The following GYS1 variants were observed in gnomAD, a reference collection of about 807,000 sequenced individuals.
The protein encoded by GYS1 is glycogen synthase 1, also known as glycogen [starch] synthase, muscle.
In GYS1, 60 loss-of-function variants were observed where a neutral mutation model predicts 89.1. The ratio of observed to expected loss-of-function variants is 0.67; its 90% CI spans 0.55 to 0.84. GYS1 has a LOEUF of 0.84. Among genes scored for constraint, GYS1 ranks in the 40% least tolerant of loss-of-function variants. GYS1 has a pLI of 0.00. For synonymous variants in GYS1, 366 were observed against 401.7 expected (o/e 0.91, Z 1.06); for missense variants, 888 against 1,003.1 (o/e 0.89, Z 1.55).
intron 14 of GYS1, chr19:48,970,167 A>C (rs1600129249): frequency 2.1e-6 from 1 of 481,546 alleles, no homozygotes; most frequent in Non-Finnish European, 3.8e-6. Context: ...CTGTTACTCT[A>C]GGATGGAGTG....
Position 48,982,251 on chromosome 19 carries a change from T to C in GYS1, c.1062+4A>G, listed in dbSNP as rs775610787. 6.2e-7 allele frequency: 1 copy of C among 1,613,470 alleles called. No homozygotes were observed. Among genetic ancestry groups the C allele is most frequent in the Non-Finnish European group, 8.5e-7 (1 of 1,179,626 alleles). ...TCCCTGTCCCCTCATAGCCCAGGCC[T>C]CACTCTGAGCAGATAGTTGAGCCGA... is the stretch of plus-strand genomic sequence containing the variant. On this transcript the variant is annotated splice_donor_region_variant and intron_variant, in intron 7 of 15. Coordinates refer to ENST00000323798, the MANE Select transcript of GYS1 (RefSeq NM_002103.5).
intron 12 of GYS1, among the ~76,000 whole-genome samples, chr19:48,973,505 ATTT>A (rs34032782): frequency 8.3e-5 from 10 of 120,600 alleles, no homozygotes; most frequent in African/African-American, 2.2e-4. Context: ...TTTAGCTTTA[ATTT>A]TTTTTTTTTT....
At chr19:48,979,221 A>T (rs902628726) in intron 8 of GYS1, among the ~76,000 whole-genome samples, 1 of 151,990 alleles carries the variant, frequency 6.6e-6, no homozygotes, top group Non-Finnish European at 1.5e-5. Flanking sequence ...TTAGGCACAC[A>T]AGTAAAGCTA....
In GYS1 at chr19:48,969,130, CTG is replaced by C. The variant is rs2038508393; in HGVS notation, c.*156_*157del. 3 of 667,100 alleles carry C rather than the reference CTG, an allele frequency of 4.5e-6. No homozygotes were observed. Among genetic ancestry groups the C allele is most frequent in the South Asian group, 1.9e-5 (1 of 53,734 alleles). The allele number at this position is 667,100 out of a possible 1,614,324, so 41.3% of individuals were successfully genotyped here. A position where few individuals can be genotyped will look rare whatever the true frequency, so the allele number is the denominator to read the frequency against. ...ATTCTGGAGTGCAGGAACTTGGAAA[CTG>C]GAGCTGGAGGGGGTGGAGTGTTTGG... On this transcript the variant is annotated 3_prime_UTR_variant, in exon 16 of 16. Transcript: ENST00000323798.
chr19:48,992,629 A>T (rs1382364454), intron 1 of GYS1, among the ~76,000 whole-genome samples: 1 of 152,128 alleles, frequency 6.6e-6, no homozygotes, highest in African/African-American at 2.4e-5. Context: ...TGTTAGGGTC[A>T]TAGGTCTGAA....
At chr19:48,974,778 G>A in intron 10 of GYS1, 45 bp from the exon 11 acceptor site, 1 of 1,331,714 alleles carries the variant, frequency 7.5e-7, no homozygotes, top group Non-Finnish European at 1.1e-6. Flanking sequence ...AAGGGACAGA[G>A]AACTCCCTAC....
chr19:48,978,784 C>T (rs2038701894), intron 8 of GYS1, among the ~76,000 whole-genome samples: 1 of 152,142 alleles, frequency 6.6e-6, no homozygotes, highest in African/African-American at 2.4e-5. Context: ...AATTGGCCAC[C>T]TCGGCCTCCC....
chr19:48,969,120 A>G lies in GYS1; in HGVS notation c.*168T>C, dbSNP rs1568614726. 3 of 650,844 alleles carry G rather than the reference A, an allele frequency of 4.6e-6. No individual in the cohort carries two copies. The highest frequency in any genetic ancestry group is 8.0e-6 in the Non-Finnish European group (3 of 375,852). The allele number at this position is 650,844 out of a possible 1,614,324, so 40.3% of individuals were successfully genotyped here. On this transcript the variant is annotated 3_prime_UTR_variant, in exon 16 of 16. Coordinates refer to ENST00000323798, the MANE Select transcript of GYS1 (RefSeq NM_002103.5). The stretch of plus-strand genomic sequence containing the variant: ...GGCTTTGTGGATTCTGGAGTGCAGG[A>G]ACTTGGAAACTGGAGCTGGAGGGGG...
chr19:48,969,540 C>G lies in GYS1; in HGVS notation c.1962G>C (p.Pro654=), dbSNP rs1274965475. Residue 654 remains proline (P), a synonymous_variant, in exon 16 of 16, where the codon CCG becomes CCC. Coordinates refer to ENST00000323798, the MANE Select transcript of GYS1 (RefSeq NM_002103.5). ...GATCCTCCTCGTCCTCACTCTGGTG[C>G]GGGCTGGAGTGTCGTGACAGCGAGG... is the stretch of plus-strand genomic sequence containing the variant. The part of the protein sequence containing the change: ...PSPSLSRHSS[P]HQSEDEEDPR... 1 of 1,541,364 alleles carries G rather than the reference C, an allele frequency of 6.5e-7. No homozygotes were observed. The highest frequency in any genetic ancestry group is 8.7e-7 in the Non-Finnish European group (1 of 1,146,874).
At position 48,974,493 on chromosome 19, in the gene GYS1, A is replaced by G. The variant is rs570590507; in HGVS notation, c.1422+127T>C. On this transcript the variant is annotated intron_variant, in intron 11 of 15. Transcript: ENST00000323798. ...CAAACCCAGGTCTGCCTGCCTCAGA[A>G]GCCAGGGTTCTTTCTAACCACAGCA... 1.6e-4 allele frequency: 172 copies of G among 1,054,752 alleles called. No homozygotes were observed. In the African/African-American group the frequency reaches 2.4e-3, roughly 15 times the overall value. The allele number at this position is 1,054,752 out of a possible 1,614,324, so 65.3% of individuals were successfully genotyped here.
chr19:48,971,205 G>A (rs937958217), intron 12 of GYS1, among the ~76,000 whole-genome samples, 182 bp from the exon 13 acceptor site: 1 of 152,222 alleles, frequency 6.6e-6, no homozygotes, highest in Non-Finnish European at 1.5e-5. Context: ...GGGACGCTAA[G>A]AGGCTCAGAA....
rs886054564 is a variant in GYS1 at position 48,968,244 on chromosome 19, A to C, written c.*1044T>G. 5 of 454,102 alleles carry C rather than the reference A, an allele frequency of 1.1e-5. No individual in the cohort carries two copies. Among genetic ancestry groups the C allele is most frequent in the Non-Finnish European group, 2.2e-5 (5 of 226,770 alleles). 28.1% of individuals were successfully genotyped at this position (454,102 alleles called of 1,614,324 possible). ...GCGGTGCAGACACAGCACAGCACAC[A>C]TGAGGGGCCCTCCCTTTCACCAAAG... is the stretch of plus-strand genomic sequence containing the variant. On this transcript the variant is annotated 3_prime_UTR_variant, in exon 16 of 16. Transcript: ENST00000323798.
In GYS1 at chr19:48,977,562, C is replaced by T. The variant is rs563876036; in HGVS notation, c.1308+362G>A. 2.0e-5 allele frequency among the ~76,000 whole-genome samples: 3 copies of T among 152,242 alleles called. No homozygotes were observed. The South Asian group carries it at 6.2e-4, about 32-fold the overall frequency. On this transcript the variant is annotated intron_variant, in intron 10 of 15. Transcript: ENST00000323798. ...GAGCCGAGATCGTGCCACTGCACTC[C>T]AGCCTGGGCGACAGAGCGAGACTCC...
At chr19:48,990,235 C>T (rs773877691) in intron 2 of GYS1, among the ~76,000 whole-genome samples, 93 of 146,474 alleles carry the variant, frequency 6.3e-4, no homozygotes, top group Non-Finnish European at 1.1e-3. Flanking sequence ...TGGACAACAG[C>T]GTGCCGCCTG....
intron 2 of GYS1, 97 bp from the exon 3 acceptor site, chr19:48,987,482 T>C: frequency 1.1e-6 from 1 of 908,898 alleles, no homozygotes; most frequent in Non-Finnish European, 1.6e-6. Context: ...CAGATGTCTA[T>C]AGACTTAAGC....
In GYS1 at chr19:48,985,817, C is replaced by T. The variant is rs368256225; in HGVS notation, c.678+33G>A. 3.8e-4 allele frequency: 609 copies of T among 1,608,490 alleles called. 5 individuals carry two copies. The highest frequency in any genetic ancestry group is 2.1e-4 in the Middle Eastern group (1 of 4,748). On this transcript the variant is annotated intron_variant, in intron 4 of 15. Coordinates refer to ENST00000323798, the MANE Select transcript of GYS1 (RefSeq NM_002103.5). ...GAGCTTTGGGTTTTCCTGGCATACT[C>T]GCAGTCCCCCATCTGCCACGGTCCC...
In GYS1 at chr19:48,968,990, G is replaced by A; in HGVS notation, c.*298C>T. 1.6e-6 allele frequency: 1 copy of A among 616,572 alleles called. No individual in the cohort carries two copies. Among genetic ancestry groups the A allele is most frequent in the Non-Finnish European group, 3.0e-6 (1 of 330,948 alleles). 38.2% of individuals were successfully genotyped at this position (616,572 alleles called of 1,614,324 possible). On this transcript the variant is annotated 3_prime_UTR_variant, in exon 16 of 16. Coordinates refer to ENST00000323798, the MANE Select transcript of GYS1 (RefSeq NM_002103.5). Reference sequence around the variant, plus strand: ...CATGCCAGGTTTCCTAAAACCTCTGGCACCACCGCAGAGTAATGGCAGATT... The same window carrying A: ...CATGCCAGGTTTCCTAAAACCTCTGACACCACCGCAGAGTAATGGCAGATT...
At chr19:48,976,577 A>T (rs2038656034) in intron 10 of GYS1, among the ~76,000 whole-genome samples, 1 of 152,112 alleles carries the variant, frequency 6.6e-6, no homozygotes, top group African/African-American at 2.4e-5. Context: ...GAGAGTTTGC[A>T]ATGTTTTCTG....
intron 8 of GYS1, among the ~76,000 whole-genome samples, chr19:48,979,336 CTTTTTT>C (rs777178030): frequency 7.5e-5 from 7 of 92,766 alleles, no homozygotes; most frequent in African/African-American, 2.6e-4. Context: ...TTTTTCTTTT[CTTTTTT>C]TTTTTTTTTT....
Sources: allele counts gnomAD v4.1 joint callset (sites outside exome capture counted in the v4.1 genomes callset), GRCh38; gene constraint gnomAD v4.1.1; transcripts MANE v1.5; gene names NCBI Gene and HGNC (gene_info 2026-07-23, HGNC 2026-07-21).